GUCY1A2: variants seen among roughly 807,000 people sequenced by gnomAD.
GUCY1A2 encodes the protein guanylate cyclase 1 soluble subunit alpha 2.
Under a neutral mutation model 63.5 loss-of-function variants are expected in GUCY1A2, and 27 were observed. That is an observed-to-expected ratio of 0.43 (90% CI 0.31 to 0.59). GUCY1A2 has a LOEUF of 0.59. Ranked by LOEUF, GUCY1A2 falls within the 20% of genes least tolerant of loss-of-function variation. The pLI is 0.11. For missense variants in GUCY1A2, 768 were observed against 913.3 expected, an observed-to-expected ratio of 0.84 and a Z score of 2.05; for synonymous variants, 364 against 343.5, an observed-to-expected ratio of 1.06 and a Z score of -0.66.
At chr11:107,016,999 C>G (rs965438943) in intron 1 of GUCY1A2, among the ~76,000 whole-genome samples, 1 of 152,082 alleles carries the variant, frequency 6.6e-6, no homozygotes, top group Non-Finnish European at 1.5e-5. Context: ...TGTAACAAAT[C>G]TGCACATCCT....
At chr11:106,956,766 G>A (rs1443245939) in intron 3 of GUCY1A2, among the ~76,000 whole-genome samples, 1 of 152,176 alleles carries the variant, frequency 6.6e-6, no homozygotes, top group Non-Finnish European at 1.5e-5. Flanking sequence ...CAATCGGGTG[G>A]CACAGGGAGC....
chr11:107,004,616 A>C (rs187076277), intron 1 of GUCY1A2, among the ~76,000 whole-genome samples: 10 of 152,332 alleles, frequency 6.6e-5, no homozygotes, highest in African/African-American at 2.4e-4. Context: ...GTGTAACTTA[A>C]ATTATAAGAG....
At chr11:106,870,693 T>G (rs55670820) in intron 4 of GUCY1A2, among the ~76,000 whole-genome samples, 35,405 of 151,976 alleles carry the variant, frequency 0.23, 4,260 homozygotes, top group African/African-American at 0.3. Context: ...TTTCCAGCCT[T>G]CTCTCTTCCC....
chr11:106,859,711 A>G (rs1859483275), intron 4 of GUCY1A2, among the ~76,000 whole-genome samples: 1 of 151,960 alleles, frequency 6.6e-6, no homozygotes, highest in South Asian at 2.1e-4. Context: ...CGGTGGTCCC[A>G]TAAGATAATA....
At chr11:106,710,128 TTA>T (rs368324536) in intron 6 of GUCY1A2, among the ~76,000 whole-genome samples, 1,145 of 28,676 alleles carry the variant, frequency 0.04, 7 homozygotes, top group Middle Eastern at 0.14. Context: ...TATAATATAG[TTA>T]TATATATAAT....
At chr11:106,786,745 T>TC (rs1209398989) in intron 5 of GUCY1A2, among the ~76,000 whole-genome samples, 12 of 152,330 alleles carry the variant, frequency 7.9e-5, no homozygotes, top group African/African-American at 2.9e-4. Flanking sequence ...CCCAGGTTCA[T>TC]CCACCTCTAC....
intron 4 of GUCY1A2, among the ~76,000 whole-genome samples, chr11:106,875,812 T>C (rs1445567718): frequency 2.6e-5 from 4 of 152,104 alleles, no homozygotes; most frequent in Admixed American, 2.6e-4. Context: ...TAGTATATTT[T>C]ATATCTTTTT....
chr11:106,832,190 T>C (rs1859059937), intron 4 of GUCY1A2, among the ~76,000 whole-genome samples: 1 of 152,156 alleles, frequency 6.6e-6, no homozygotes, highest in Non-Finnish European at 1.5e-5. Flanking sequence ...TTGAAAGTAA[T>C]TGTATGTGTA....
rs748643282 is a variant in GUCY1A2 at position 106,986,137 on chromosome 11, GA to G, written c.304-7del. 1.8e-5 allele frequency: 24 copies of G among 1,352,956 alleles called. No individual in the cohort carries two copies. The South Asian group carries it at 2.5e-4, about 14-fold the overall frequency. The allele number at this position is 1,352,956 out of a possible 1,614,324, so 83.8% of individuals were successfully genotyped here. ...GTCTGCTGTATCGTCTGAGGCTACA[GA>G]ATAATAATAATAATAAAAACATATT... On this transcript the variant is annotated splice_polypyrimidine_tract_variant and splice_region_variant and intron_variant, in intron 1 of 7. Coordinates refer to ENST00000526355, the MANE Select transcript of GUCY1A2 (RefSeq NM_000855.3).
intron 1 of GUCY1A2, among the ~76,000 whole-genome samples, chr11:107,014,611 T>C (rs893035580): frequency 6.6e-6 from 1 of 152,192 alleles, no homozygotes; most frequent in Non-Finnish European, 1.5e-5. Context: ...CATCGGTGCA[T>C]CTTAAAGTGA....
intron 6 of GUCY1A2, among the ~76,000 whole-genome samples, chr11:106,718,246 T>A (rs1403228633): frequency 6.6e-6 from 1 of 152,132 alleles, no homozygotes; most frequent in African/African-American, 2.4e-5. Context: ...TCAGACCATA[T>A]AATATGAGCT....
intron 2 of GUCY1A2, among the ~76,000 whole-genome samples, chr11:106,979,172 T>C (rs1002373548): frequency 7.9e-5 from 12 of 152,230 alleles, no homozygotes; most frequent in Middle Eastern, 3.4e-3. Context: ...GATAGCAGTA[T>C]AGGCCGGGTG....
intron 6 of GUCY1A2, among the ~76,000 whole-genome samples, chr11:106,766,877 C>A (rs149104651): frequency 6.6e-6 from 1 of 152,174 alleles, no homozygotes; most frequent in Non-Finnish European, 1.5e-5. Context: ...AGATAATGGG[C>A]TAACCTACTA....
At chr11:106,854,195 A>G (rs938924572) in intron 4 of GUCY1A2, among the ~76,000 whole-genome samples, 2 of 152,176 alleles carry the variant, frequency 1.3e-5, no homozygotes, top group South Asian at 2.1e-4. Flanking sequence ...GGGCCCCTGG[A>G]CAGTGTGCAT....
At chr11:106,792,965 A>T (rs754045482) in intron 5 of GUCY1A2, among the ~76,000 whole-genome samples, 5 of 152,174 alleles carry the variant, frequency 3.3e-5, no homozygotes, top group Non-Finnish European at 7.3e-5. Context: ...GTGATTACAG[A>T]TTCAATGCAA....
At chr11:106,859,252 A>T (rs1055531644) in intron 4 of GUCY1A2, among the ~76,000 whole-genome samples, 1 of 151,882 alleles carries the variant, frequency 6.6e-6, no homozygotes, top group African/African-American at 2.4e-5. Flanking sequence ...CCTGAATCCA[A>T]TCCTGTGTTA....
chr11:106,973,092 T>C (rs569457853), intron 3 of GUCY1A2, among the ~76,000 whole-genome samples: 1 of 152,224 alleles, frequency 6.6e-6, no homozygotes, highest in South Asian at 2.1e-4. Flanking sequence ...GAGAGCAGAA[T>C]ACAGAAGTTG....
chr11:106,900,673 A>C (rs2135484622), intron 4 of GUCY1A2, among the ~76,000 whole-genome samples: 1 of 152,210 alleles, frequency 6.6e-6, no homozygotes, highest in Non-Finnish European at 1.5e-5. Context: ...AGATATTGTA[A>C]GTTAGGTTCC....
chr11:106,704,736 TC>T (rs1471172827), intron 7 of GUCY1A2, among the ~76,000 whole-genome samples: 1 of 152,122 alleles, frequency 6.6e-6, no homozygotes, highest in African/African-American at 2.4e-5. Flanking sequence ...CTGAGATAAA[TC>T]ATTTATTTCA....
Sources: allele counts gnomAD v4.1 joint callset (sites outside exome capture counted in the v4.1 genomes callset), GRCh38; gene constraint gnomAD v4.1.1; transcripts MANE v1.5; gene names NCBI Gene and HGNC (gene_info 2026-07-23, HGNC 2026-07-21).